The following PPP1R21 variants were observed in gnomAD, a reference collection of about 807,000 sequenced individuals.
The protein encoded by PPP1R21 is KLRAQ motif containing 1.
A neutral mutation model predicts 112.8 loss-of-function variants in PPP1R21; 85 were observed. That is an observed-to-expected ratio of 0.75 (90% CI 0.63 to 0.90). PPP1R21 has a LOEUF of 0.90. Ranked by LOEUF, PPP1R21 falls within the 40% of genes least tolerant of loss-of-function variation. The pLI, the probability that PPP1R21 is intolerant of heterozygous loss-of-function variation, is 0.00. For synonymous variants in PPP1R21, 381 were observed against 322.3 expected (o/e 1.18, Z -1.95); for missense variants, 1,199 against 901.5 (o/e 1.33, Z -4.23).
intron 17 of PPP1R21, among the ~76,000 whole-genome samples, chr2:48,499,131 G>GT (rs890311083): frequency 7.0e-5 from 10 of 143,746 alleles, no homozygotes; most frequent in Non-Finnish European, 1.5e-4. Context: ...GATATTGGGG[G>GT]TGGGGGGGGA....
chr2:48,507,408 TG>T (rs1670433165), intron 19 of PPP1R21, 23 bp downstream of exon 19: 1 of 1,589,350 alleles, frequency 6.3e-7, no homozygotes, highest in Non-Finnish European at 8.5e-7. Context: ...TTAATTAGAT[TG>T]GTGGTTTTTT....
rs534384522 is a variant in PPP1R21, at chr2:48,471,180, A to T, written c.991A>T (p.Thr331Ser). The change falls in exon 10 of 22, where the codon ACT (threonine) becomes TCT (serine). Residue 331 changes from threonine (T) to serine (S), a missense_variant. By Grantham distance (58) the Thr-to-Ser change is moderately conservative. Coordinates refer to ENST00000294952, the MANE Select transcript of PPP1R21 (RefSeq NM_001135629.3). ...TGAAAGTATCACTGAGGATACTGTG[A>T]CTGTCTTGGTAATTTTCTTCCTTGT... ...LFESITEDTV[T>S]VLETTVKLKT... is the part of the protein sequence containing the mutation. 1.8e-4 allele frequency: 285 copies of T among 1,611,056 alleles called. 2 individuals carry two copies. The South Asian group carries it at 3.0e-3, about 17-fold the overall frequency.
chr2:48,447,414 G>T (rs148679917), intron 1 of PPP1R21, among the ~76,000 whole-genome samples: 73 of 152,320 alleles, frequency 4.8e-4, no homozygotes, highest in Non-Finnish European at 9.6e-4. Context: ...GAATGGAACA[G>T]AAGAGCTTGG....
intron 6 of PPP1R21, among the ~76,000 whole-genome samples, chr2:48,460,396 T>C (rs1486430942): frequency 6.6e-6 from 1 of 152,174 alleles, no homozygotes; most frequent in Non-Finnish European, 1.5e-5. Context: ...CTGGAGCTCT[T>C]GCACTGAAGA....
intron 16 of PPP1R21, among the ~76,000 whole-genome samples, chr2:48,496,790 T>C (rs1669865099): frequency 6.6e-6 from 1 of 152,202 alleles, no homozygotes; most frequent in African/African-American, 2.4e-5. Context: ...TTAGGTCCAG[T>C]CACATTTCTT....
chr2:48,455,781 G>T (rs2103778570), intron 3 of PPP1R21, among the ~76,000 whole-genome samples: 1 of 152,170 alleles, frequency 6.6e-6, no homozygotes, highest in Non-Finnish European at 1.5e-5. Context: ...TTGGGAGGCT[G>T]AGGCGGGCAG....
chr2:48,485,313 A>G (rs565245623), intron 13 of PPP1R21, among the ~76,000 whole-genome samples: 13 of 152,298 alleles, frequency 8.5e-5, no homozygotes, highest in Non-Finnish European at 1.9e-4. Flanking sequence ...AATGTAAAAA[A>G]AAAAACAAAA....
Position 48,509,773 on chromosome 2 carries a change from A to G in PPP1R21, c.2086-242A>G, listed in dbSNP as rs564264832. On this transcript the variant is annotated intron_variant, in intron 19 of 21. Coordinates refer to ENST00000294952, the MANE Select transcript of PPP1R21 (RefSeq NM_001135629.3). ...CACTGGTCATCAGGCTAGAGTGAAG[A>G]AAAAAACATTGATCTTAAGTTGGTA... is the stretch of plus-strand genomic sequence containing the variant. Among the ~76,000 whole-genome samples, 4 of 152,312 alleles carry G rather than the reference A, an allele frequency of 2.6e-5. No homozygotes were observed. In the South Asian group the frequency reaches 6.2e-4, roughly 24 times the overall value.
At chr2:48,511,601 C>A in intron 21 of PPP1R21, 133 bp downstream of exon 21, 3 of 1,074,860 alleles carry the variant, frequency 2.8e-6, no homozygotes, top group Non-Finnish European at 3.9e-6. Flanking sequence ...GTGGCTTAAG[C>A]CTGTAATCCC....
chr2:48,448,713 G>T (rs911685466), intron 1 of PPP1R21, among the ~76,000 whole-genome samples: 17 of 151,410 alleles, frequency 1.1e-4, no homozygotes, highest in African/African-American at 4.1e-4. Flanking sequence ...TCAAGACTAT[G>T]TTGATATTTG....
At chr2:48,463,539 G>A (rs1026112107) in intron 7 of PPP1R21, among the ~76,000 whole-genome samples, 3 of 152,062 alleles carry the variant, frequency 2.0e-5, no homozygotes, top group African/African-American at 7.2e-5. Context: ...TTTGAGCAGT[G>A]GGAATGAAGG....
At chr2:48,452,549 ATAAAT>A (rs1558423158) in intron 2 of PPP1R21, among the ~76,000 whole-genome samples, 1 of 150,718 alleles carries the variant, frequency 6.6e-6, no homozygotes, top group Non-Finnish European at 1.5e-5. Context: ...TATGAGAAAA[ATAAAT>A]TATTTTTTTT....
At chr2:48,450,932 G>A in intron 1 of PPP1R21, 76 bp from the exon 2 acceptor site, 1 of 1,269,222 alleles carries the variant, frequency 7.9e-7, no homozygotes, top group Non-Finnish European at 1.2e-6. Flanking sequence ...AATGATGCCT[G>A]TAAAATTGAT....
At chr2:48,487,768 A>C (rs1434120836) in intron 14 of PPP1R21, among the ~76,000 whole-genome samples, 1 of 152,002 alleles carries the variant, frequency 6.6e-6, no homozygotes, top group Non-Finnish European at 1.5e-5. Flanking sequence ...CTCAAAAAAA[A>C]AAAAAAAAAA....
intron 17 of PPP1R21, among the ~76,000 whole-genome samples, chr2:48,500,606 A>G (rs1033726981): frequency 6.6e-6 from 1 of 152,204 alleles, no homozygotes; most frequent in Non-Finnish European, 1.5e-5. Context: ...AAATGCAATA[A>G]ATAAATAAAA....
intron 9 of PPP1R21, 46 bp from the exon 10 acceptor site, chr2:48,471,041 G>C (rs372790029): frequency 9.1e-5 from 119 of 1,309,168 alleles, no homozygotes; most frequent in Non-Finnish European, 1.2e-4. Flanking sequence ...GTTGATGTTT[G>C]TTATTTTCCA....
chr2:48,444,169 GAA>G (rs1342875738), intron 1 of PPP1R21, among the ~76,000 whole-genome samples: 4 of 152,200 alleles, frequency 2.6e-5, no homozygotes, highest in Non-Finnish European at 2.9e-5. Context: ...ATTGCTAAAA[GAA>G]AGTGTTATGG....
chr2:48,440,859 C>A lies in PPP1R21; in HGVS notation c.-95C>A. On this transcript the variant is annotated 5_prime_UTR_variant, in exon 1 of 22. It adds an upstream start codon to the 5' untranslated region. Transcript: ENST00000294952. ...GCTGCGGTGGCCAAGCAGGCAGATA[C>A]TGCCTGACCCGTTCCCGGGAGCGTG... The A allele has an allele frequency of 1.1e-6, 1 of 878,978 alleles. No homozygotes were observed. The highest frequency in any genetic ancestry group is 1.8e-6 in the Non-Finnish European group (1 of 561,358). The allele number at this position is 878,978 out of a possible 1,614,324, so 54.4% of individuals were successfully genotyped here. A position where few individuals can be genotyped will look rare whatever the true frequency, so the allele number is the denominator to read the frequency against.
Position 48,514,876 on chromosome 2 carries a change from G to T in PPP1R21, c.*132G>T. On this transcript the variant is annotated 3_prime_UTR_variant, in exon 22 of 22. Coordinates refer to ENST00000294952, the MANE Select transcript of PPP1R21 (RefSeq NM_001135629.3). ...ATTGTTGGACCTAGTAAACTAGTCAGTGTTGGAAACGGCCTTGAAATATTT... is the reference window on the plus strand; with the variant it reads ...ATTGTTGGACCTAGTAAACTAGTCATTGTTGGAAACGGCCTTGAAATATTT... 3.7e-6 allele frequency: 3 copies of T among 814,072 alleles called. No homozygotes were observed. The highest frequency in any genetic ancestry group is 6.0e-6 in the Non-Finnish European group (3 of 496,568). The allele number at this position is 814,072 out of a possible 1,614,324, so 50.4% of individuals were successfully genotyped here.
Sources: gnomAD v4.1 joint callset for allele counts (sites outside exome capture counted in the v4.1 genomes callset) on GRCh38, gnomAD v4.1.1 for gene constraint, MANE v1.5 for transcripts, NCBI Gene and HGNC (gene_info 2026-07-23, HGNC 2026-07-21) for gene names.